The following TSPAN4 variants were observed in gnomAD, a reference collection of about 807,000 sequenced individuals.
TSPAN4 encodes tetraspanin-4.
TSPAN4 carries 38 observed loss-of-function variants against 31.5 expected under a neutral mutation model. That is an observed-to-expected ratio of 1.21 (90% CI 0.93 to 1.58). The LOEUF is 1.58. Among genes scored for constraint, TSPAN4 ranks in the 40% most tolerant of loss-of-function variants. The pLI is 0.00. For synonymous variants in TSPAN4, 186 were observed against 144.6 expected (o/e 1.29, Z -2.06); for missense variants, 330 against 317.3 (o/e 1.04, Z -0.30).
chr11:861,949 A>G (rs1442540808), intron 3 of TSPAN4, among the ~76,000 whole-genome samples: 1 of 152,188 alleles, frequency 6.6e-6, no homozygotes, highest in Non-Finnish European at 1.5e-5. Flanking sequence ...GAAAGAAATC[A>G]TAACCAGGAG....
intron 8 of TSPAN4, among the ~76,000 whole-genome samples, 167 bp from the exon 9 acceptor site, chr11:866,395 T>C (rs1043376198): frequency 3.3e-5 from 5 of 151,482 alleles, no homozygotes. Flanking sequence ...GCCACAGGGG[T>C]TGGGTGGGGC....
intron 5 of TSPAN4, chr11:865,292 C>T (rs2134069400): frequency 6.9e-6 from 4 of 577,624 alleles, no homozygotes; most frequent in South Asian, 4.1e-5. Context: ...GACCCATGGT[C>T]CTCCCCCAGC....
rs867501651 is a variant in TSPAN4, at chr11:865,504, C to A, written c.331-9C>A. The A allele has an allele frequency of 1.0e-5, 16 of 1,607,934 alleles. No homozygotes were observed. Among genetic ancestry groups the A allele is most frequent in the African/African-American group, 8.0e-5 (6 of 74,774 alleles). On this transcript the variant is annotated splice_polypyrimidine_tract_variant and intron_variant, in intron 5 of 8. Coordinates refer to ENST00000397397, the MANE Select transcript of TSPAN4 (RefSeq NM_003271.5). ...GGAGGGGCCCTGCTGACCCCCCCCG[C>A]ACCCCCAGATTGACAGGTATGCCCA...
chr11:844,672 G>A (rs1415555087), intron 1 of TSPAN4: 1 of 149,460 alleles, frequency 6.7e-6, no homozygotes, highest in African/African-American at 2.5e-5. Flanking sequence ...TCTCTCCTGG[G>A]TGTGGAGTGT....
At position 866,959 on chromosome 11, in the gene TSPAN4, G is replaced by GA. The variant is rs1848889941; in HGVS notation, c.*333dup. On this transcript the variant is annotated 3_prime_UTR_variant, in exon 9 of 9. Coordinates refer to ENST00000397397, the MANE Select transcript of TSPAN4 (RefSeq NM_003271.5). ...CCAGCCTGTGGCCCCCAGCCTCCTGGAAAACAGGTTGGCGCTGGAGGAGCC... is the reference window on the plus strand; with the variant it reads ...CCAGCCTGTGGCCCCCAGCCTCCTGGAAAAACAGGTTGGCGCTGGAGGAGCC... 1 of 243,094 alleles carries GA rather than the reference G, an allele frequency of 4.1e-6. No homozygotes were observed. The highest frequency in any genetic ancestry group is 8.4e-5 in the East Asian group (1 of 11,910). The allele number at this position is 243,094 out of a possible 1,614,324, so 15.1% of individuals were successfully genotyped here.
intron 8 of TSPAN4, 143 bp downstream of exon 8, chr11:866,144 G>A: frequency 2.3e-6 from 2 of 855,428 alleles, no homozygotes; most frequent in Non-Finnish European, 3.7e-6. Context: ...AGTTCAGGGG[G>A]ATGGGCAGGG....
chr11:859,223 C>A (rs1848270640), intron 3 of TSPAN4, among the ~76,000 whole-genome samples: 1 of 111,190 alleles, frequency 9.0e-6, no homozygotes, highest in South Asian at 3.4e-4. Flanking sequence ...CACCCCCAGC[C>A]CACACTCATC....
intron 3 of TSPAN4, chr11:857,854 G>A (rs941853710): frequency 5.5e-4 from 84 of 152,360 alleles, no homozygotes; most frequent in African/African-American, 1.9e-3. Flanking sequence ...AGCTGCTGAT[G>A]GCCATCTCCT....
At chr11:851,914 G>A (rs1380110008) in intron 3 of TSPAN4, among the ~76,000 whole-genome samples, 1 of 152,056 alleles carries the variant, frequency 6.6e-6, no homozygotes, top group Non-Finnish European at 1.5e-5. Context: ...CAGGGAGAAA[G>A]AAGAGGGTCC....
chr11:862,452 G>A (rs534261241), intron 3 of TSPAN4, 98 bp from the exon 4 acceptor site: 11 of 1,158,062 alleles, frequency 9.5e-6, no homozygotes, highest in Middle Eastern at 3.0e-4. Context: ...GCTGGCAGGC[G>A]GCATGGCTTT....
rs899796166 is a variant in TSPAN4 at position 866,756 on chromosome 11, T to TGCCTGGA, written c.*130_*136dup. 4.1e-6 allele frequency: 4 copies of TGCCTGGA among 980,246 alleles called. No individual in the cohort carries two copies. The African/African-American group carries it at 5.0e-5, about 12-fold the overall frequency. The allele number at this position is 980,246 out of a possible 1,614,324, so 60.7% of individuals were successfully genotyped here. On this transcript the variant is annotated 3_prime_UTR_variant, in exon 9 of 9. Transcript: ENST00000397397. Reference sequence around the variant, plus strand: ...CTGGGAGGAGGGAGGGAGGGACAGGTGCCTGGAGCCCCCGGAACCCTGTTT... The same window carrying TGCCTGGA: ...CTGGGAGGAGGGAGGGAGGGACAGGTGCCTGGAGCCTGGAGCCCCCGGAACCCTGTTT...
intron 3 of TSPAN4, among the ~76,000 whole-genome samples, chr11:853,567 G>C (rs892481122): frequency 6.6e-6 from 1 of 152,118 alleles, no homozygotes; most frequent in African/African-American, 2.4e-5. Flanking sequence ...GCAAGAGTCT[G>C]TGCTCAGAGC....
rs919946588 is a variant in TSPAN4 at position 862,604 on chromosome 11, A to G, written c.118A>G (p.Ser40Gly). 2.1e-5 allele frequency: 34 copies of G among 1,612,446 alleles called. No individual in the cohort carries two copies. The highest frequency in any genetic ancestry group is 2.7e-5 in the Non-Finnish European group (32 of 1,179,674). ...VGIWLAATQG[S>G]FATLSSSFPS... is the part of the protein sequence containing the mutation. ...CATCTGGCTGGCCGCCACACAGGGGAGCTTCGCCACGCTGTCCTCTTCCTT... is the reference window on the plus strand; with the variant it reads ...CATCTGGCTGGCCGCCACACAGGGGGGCTTCGCCACGCTGTCCTCTTCCTT... Residue 40 changes from serine (S) to glycine (G), a missense_variant, in exon 4 of 9, where the codon AGC (serine) becomes GGC (glycine). Coordinates refer to ENST00000397397, the MANE Select transcript of TSPAN4 (RefSeq NM_003271.5).
chr11:845,504 G>C (rs1476175757), intron 1 of TSPAN4, among the ~76,000 whole-genome samples: 1 of 152,166 alleles, frequency 6.6e-6, no homozygotes, highest in Non-Finnish European at 1.5e-5. Context: ...TGATATTTGG[G>C]AATGTCACTG....
chr11:845,091 C>T (rs1442241037), intron 1 of TSPAN4, among the ~76,000 whole-genome samples: 1 of 152,188 alleles, frequency 6.6e-6, no homozygotes, highest in Non-Finnish European at 1.5e-5. Flanking sequence ...GGGCTGCATC[C>T]CTCCTGCCGC....
chr11:866,604 G>A lies in TSPAN4; in HGVS notation c.691G>A (p.Val231Ile), dbSNP rs116217179. The A allele has an allele frequency of 1.1e-4, 174 of 1,613,432 alleles. No individual in the cohort carries two copies. The African/African-American group carries it at 2.2e-3, about 20-fold the overall frequency. The stretch of plus-strand genomic sequence containing the variant: ...CGCCATGACCATGTACTGCCAAGTG[G>A]TCAAGGCAGACACCTACTGCGCGTA... ...TFAMTMYCQV[V>I]KADTYCA Residue 231 changes from valine to isoleucine, a missense_variant, in exon 9 of 9, where the codon GTC becomes ATC. Physicochemically the swap from Val to Ile is conservative, Grantham distance 29. Transcript: ENST00000397397.
intron 1 of TSPAN4, among the ~76,000 whole-genome samples, chr11:846,070 C>T (rs11246331): frequency 0.053 from 8,099 of 152,200 alleles, 342 homozygotes; most frequent in East Asian, 0.26. Flanking sequence ...CTCCCTACCT[C>T]CTCAAAGCTG....
At chr11:865,069 C>T in intron 5 of TSPAN4, 1 of 188,922 alleles carries the variant, frequency 5.3e-6, no homozygotes, top group South Asian at 1.2e-4. Context: ...CTTCCTGGCA[C>T]TGCAGGGCGC....
At chr11:852,638 TCTC>T (rs1006795738) in intron 3 of TSPAN4, among the ~76,000 whole-genome samples, 3 of 152,192 alleles carry the variant, frequency 2.0e-5, no homozygotes, top group African/African-American at 7.2e-5. Context: ...AGCTAAGCCC[TCTC>T]CTCCTGGCGT....
Sources: allele counts gnomAD v4.1 joint callset (sites outside exome capture counted in the v4.1 genomes callset), GRCh38; gene constraint gnomAD v4.1.1; transcripts MANE v1.5; gene names NCBI Gene and HGNC (gene_info 2026-07-23, HGNC 2026-07-21).